EPB41L4B: variants seen among roughly 807,000 people sequenced by gnomAD.
EPB41L4B encodes band 4.1-like protein 4B.
EPB41L4B carries 30 observed loss-of-function variants against 112.5 expected under a neutral mutation model. The observed-to-expected ratio is 0.27, with a 90% CI of 0.20 to 0.36. The LOEUF (loss-of-function observed/expected upper bound fraction) is 0.36. Ranked by LOEUF, EPB41L4B falls within the 10% of genes least tolerant of loss-of-function variation. EPB41L4B has a pLI of 1.00. For missense variants in EPB41L4B, 1,024 were observed against 1,133.3 expected (o/e 0.90, Z 1.38); for synonymous variants, 408 against 439.7 (o/e 0.93, Z 0.90).
intron 15 of EPB41L4B, among the ~76,000 whole-genome samples, chr9:109,242,641 C>A (rs1350220941): frequency 2.0e-5 from 3 of 152,146 alleles, no homozygotes; most frequent in East Asian, 1.9e-4. Context: ...AATTCCCCAA[C>A]AAACTTTTTT....
chr9:109,250,835 T>G (rs1834760432), intron 13 of EPB41L4B, among the ~76,000 whole-genome samples: 1 of 152,210 alleles, frequency 6.6e-6, no homozygotes, highest in South Asian at 2.1e-4. Flanking sequence ...CACTGATATT[T>G]ATAAGTAAAG....
chr9:109,314,577 T>C (rs1837556628), intron 1 of EPB41L4B, among the ~76,000 whole-genome samples: 1 of 151,504 alleles, frequency 6.6e-6, no homozygotes, highest in Non-Finnish European at 1.5e-5. Flanking sequence ...GGGGAGTTAG[T>C]GCTCTTGCTT....
At chr9:109,216,799 C>T in intron 16 of EPB41L4B, 123 bp downstream of exon 16, 3 of 1,011,412 alleles carry the variant, frequency 3.0e-6, no homozygotes, top group Non-Finnish European at 4.5e-6. Flanking sequence ...CCCGGTAGCC[C>T]AGCATAACAT....
chr9:109,208,310 T>C (rs948160593), intron 17 of EPB41L4B, among the ~76,000 whole-genome samples: 8 of 152,182 alleles, frequency 5.3e-5, no homozygotes, highest in Admixed American at 1.3e-4. Flanking sequence ...TTTTCCAGCA[T>C]CATGGGGCAA....
chr9:109,251,823 G>A (rs1463552211), intron 12 of EPB41L4B, among the ~76,000 whole-genome samples: 1 of 152,202 alleles, frequency 6.6e-6, no homozygotes, highest in East Asian at 1.9e-4. Flanking sequence ...ATACAGAGAA[G>A]TGGGTAAAAG....
Position 109,185,587 on chromosome 9 carries a change from G to T in EPB41L4B, c.2320C>A (p.Pro774Thr). ...GAACAGCGAGAGTGGGCACAGTGGG[G>T]GTTGCTGGCGGGCTCTGCCTGCTCA... ...ATPLAEPASN[P>T]HCAHSRCSPP... The change falls in exon 23 of 26, where the codon CCC (proline) becomes ACC (threonine). Residue 774 changes from proline (P) to threonine (T), a missense_variant. Physicochemically the swap from Pro to Thr is conservative, Grantham distance 38. Transcript: ENST00000374566. The T allele has an allele frequency of 6.2e-7, 1 of 1,610,856 alleles. No individual in the cohort carries two copies. The highest frequency in any genetic ancestry group is 8.5e-7 in the Non-Finnish European group (1 of 1,178,376).
chr9:109,293,371 T>C (rs1210174889), intron 1 of EPB41L4B, among the ~76,000 whole-genome samples: 1 of 111,390 alleles, frequency 9.0e-6, no homozygotes, highest in East Asian at 2.6e-4. Flanking sequence ...AGAATAAACA[T>C]ATGCATTCTT....
At chr9:109,312,301 C>T (rs563689865) in intron 1 of EPB41L4B, among the ~76,000 whole-genome samples, 11 of 152,264 alleles carry the variant, frequency 7.2e-5, no homozygotes, top group African/African-American at 2.6e-4. Context: ...TAATGTTGTT[C>T]TACTAAGCAC....
intron 1 of EPB41L4B, among the ~76,000 whole-genome samples, chr9:109,314,807 A>G (rs1837572534): frequency 6.6e-6 from 1 of 152,184 alleles, no homozygotes; most frequent in Non-Finnish European, 1.5e-5. Context: ...GGGCAAAAAA[A>G]GCAAGCCACC....
At chr9:109,201,515 T>A (rs1832832180) in intron 19 of EPB41L4B, among the ~76,000 whole-genome samples, 1 of 150,560 alleles carries the variant, frequency 6.6e-6, no homozygotes, top group African/African-American at 2.4e-5. Flanking sequence ...ATAGAGGATT[T>A]GAGTCAATGC....
intron 1 of EPB41L4B, among the ~76,000 whole-genome samples, chr9:109,306,607 A>C (rs954152731): frequency 4.0e-5 from 6 of 149,890 alleles, no homozygotes; most frequent in Admixed American, 6.6e-5. Flanking sequence ...AGCGAGCAAA[A>C]AAACAAACAA....
At chr9:109,205,252 C>T (rs1313752908) in intron 18 of EPB41L4B, among the ~76,000 whole-genome samples, 2 of 152,156 alleles carry the variant, frequency 1.3e-5, no homozygotes, top group South Asian at 4.1e-4. Flanking sequence ...ACTTCACACT[C>T]CCCTGCTTTT....
At chr9:109,218,889 C>A (rs1833480014) in intron 15 of EPB41L4B, among the ~76,000 whole-genome samples, 1 of 152,150 alleles carries the variant, frequency 6.6e-6, no homozygotes, top group Admixed American at 6.5e-5. Flanking sequence ...ATCTCTACTG[C>A]CCACTCTTTC....
chr9:109,272,462 T>C (rs1008755112), intron 2 of EPB41L4B, among the ~76,000 whole-genome samples: 1 of 146,358 alleles, frequency 6.8e-6, no homozygotes, highest in East Asian at 2.1e-4. Context: ...CCTGTGTATA[T>C]TAAAAATAGG....
chr9:109,259,442 C>CT (rs1289796430), intron 6 of EPB41L4B, among the ~76,000 whole-genome samples: 2 of 152,180 alleles, frequency 1.3e-5, no homozygotes, highest in East Asian at 3.9e-4. Flanking sequence ...CTGGAAAACA[C>CT]TTTAAGAACC....
At chr9:109,319,970 G>A (rs993633161) in intron 1 of EPB41L4B, among the ~76,000 whole-genome samples, 171 bp downstream of exon 1, 5 of 152,158 alleles carry the variant, frequency 3.3e-5, no homozygotes, top group African/African-American at 1.2e-4. Flanking sequence ...GAAGAGACCG[G>A]GACGGGGTGG....
chr9:109,215,814 A>G (rs1260561990), intron 16 of EPB41L4B, among the ~76,000 whole-genome samples: 1 of 152,242 alleles, frequency 6.6e-6, no homozygotes, highest in Non-Finnish European at 1.5e-5. Flanking sequence ...ATATAAACTC[A>G]TTCTATCATA....
At chr9:109,190,573 C>A (rs1263978122) in intron 22 of EPB41L4B, among the ~76,000 whole-genome samples, 5 of 152,246 alleles carry the variant, frequency 3.3e-5, no homozygotes, top group Non-Finnish European at 7.3e-5. Context: ...GGTCCCAGGG[C>A]TGTCCCACAG....
Position 109,213,762 on chromosome 9 carries a change from G to C in EPB41L4B, c.1690C>G (p.Leu564Val), listed in dbSNP as rs367940262. ...FSEAAAHLKK[L>V]ELETVKAAGP... is the part of the protein sequence containing the mutation. ...GCAGCCTTCACAGTTTCCAGTTCCA[G>C]CTTCTTTAGATGGGCAGCGGCTTCA... Residue 564 changes from leucine (L) to valine (V), a missense_variant, in exon 17 of 26, where the codon CTG (leucine) becomes GTG (valine). Leu to Val is a conservative substitution (Grantham distance 32). Coordinates refer to ENST00000374566, the MANE Select transcript of EPB41L4B (RefSeq NM_019114.5). The C allele has an allele frequency of 6.2e-7, 1 of 1,614,172 alleles. No individual in the cohort carries two copies. The highest frequency in any genetic ancestry group is 1.1e-5 in the South Asian group (1 of 91,080).
Sources: gnomAD v4.1 joint callset for allele counts (sites outside exome capture counted in the v4.1 genomes callset) on GRCh38, gnomAD v4.1.1 for gene constraint, MANE v1.5 for transcripts, NCBI Gene and HGNC (gene_info 2026-07-23, HGNC 2026-07-21) for gene names.